BCL11B: variants seen among roughly 807,000 people sequenced by gnomAD.
The protein encoded by BCL11B is B-cell lymphoma/leukemia 11B.
A neutral mutation model predicts 49.9 loss-of-function variants in BCL11B; 8 were observed. The observed-to-expected ratio is 0.16, with a 90% CI of 0.09 to 0.29. BCL11B has a LOEUF of 0.29. Ranked by LOEUF, BCL11B falls within the 10% of genes least tolerant of loss-of-function variation. The pLI, the probability that BCL11B is intolerant of heterozygous loss-of-function variation, is 1.00. For synonymous variants in BCL11B, 739 were observed against 637.4 expected (o/e 1.16, Z -2.40); for missense variants, 1,006 against 1,351.0 (o/e 0.74, Z 4.00).
chr14:99,243,415 GACTGAACAATA>G (rs1464646658), intron 2 of BCL11B, among the ~76,000 whole-genome samples: 1 of 152,150 alleles, frequency 6.6e-6, no homozygotes, highest in Non-Finnish European at 1.5e-5. Flanking sequence ...TGCCCCCACG[GACTGAACAATA>G]ACAGTTCTCC....
At chr14:99,220,783 AATC>A (rs1566816247) in intron 3 of BCL11B, among the ~76,000 whole-genome samples, 1 of 152,230 alleles carries the variant, frequency 6.6e-6, no homozygotes, top group Non-Finnish European at 1.5e-5. Context: ...GCATTGTGAG[AATC>A]ACTGGAGATA....
chr14:99,256,322 G>C (rs375284691), intron 2 of BCL11B, among the ~76,000 whole-genome samples: 1 of 152,140 alleles, frequency 6.6e-6, no homozygotes. Flanking sequence ...GAAGTGCCAC[G>C]GGCAAAAGAC....
chr14:99,234,482 C>G (rs371724873), intron 2 of BCL11B, among the ~76,000 whole-genome samples: 4 of 152,276 alleles, frequency 2.6e-5, no homozygotes, highest in South Asian at 4.1e-4. Flanking sequence ...CACACACGCA[C>G]AGAGGAAGCC....
rs1320616868 is a variant in BCL11B at position 99,174,756 on chromosome 14, G to A, written c.2080C>T (p.Leu694=). The change falls in exon 4 of 4, where the codon CTG becomes TTG. Residue 694 remains leucine, a synonymous_variant. Coordinates refer to ENST00000357195, the MANE Select transcript of BCL11B (RefSeq NM_138576.4). ...ATGAGCGCGGCGGGCGGCAGCTCCA[G>A]GTCCTTCTCCACCTTGATGCGCTTG... The part of the protein sequence containing the change: ...AAKRIKVEKD[L]ELPPAALIPS... 3.3e-6 allele frequency: 5 copies of A among 1,509,072 alleles called. No homozygotes were observed. The highest frequency in any genetic ancestry group is 1.4e-5 in the African/African-American group (1 of 69,272). The allele number at this position is 1,509,072 out of a possible 1,614,324, so 93.5% of individuals were successfully genotyped here.
At chr14:99,230,727 TGTCTGG>T (rs899228566) in intron 3 of BCL11B, among the ~76,000 whole-genome samples, 42 of 152,130 alleles carry the variant, frequency 2.8e-4, no homozygotes, top group African/African-American at 9.4e-4. Flanking sequence ...CAAACAGCTG[TGTCTGG>T]GTCTGGCCCA....
Position 99,184,998 on chromosome 14 carries a change from G to A in BCL11B, c.641-8803C>T, listed in dbSNP as rs192908391. ...TTGACAGCCAGATTTTCACAAAAAC[G>A]CCAGTGAGTCTTGGTTTCCTCCCTC... On this transcript the variant is annotated intron_variant, in intron 3 of 3. Coordinates refer to ENST00000357195, the MANE Select transcript of BCL11B (RefSeq NM_138576.4). The surrounding 1 kb of genome is among the most constrained non-coding windows in gnomAD (Gnocchi z 6.1). Among the ~76,000 whole-genome samples, 209 of 152,258 alleles carry A rather than the reference G, an allele frequency of 1.4e-3. No individual in the cohort carries two copies. The highest frequency in any genetic ancestry group is 4.8e-3 in the African/African-American group (198 of 41,560).
chr14:99,230,634 T>G lies in BCL11B; in HGVS notation c.640+711A>C, dbSNP rs530263127. Among the ~76,000 whole-genome samples, 15 of 152,282 alleles carry G rather than the reference T, an allele frequency of 9.9e-5. No homozygotes were observed. The East Asian group carries it at 2.9e-3, about 29-fold the overall frequency. ...GAGAAGCAGGGCAGGTAGAGGCCAGTTTGTGTCACCACACCGGCCCATCTG... is the reference window on the plus strand; with the variant it reads ...GAGAAGCAGGGCAGGTAGAGGCCAGGTTGTGTCACCACACCGGCCCATCTG... On this transcript the variant is annotated intron_variant, in intron 3 of 3. Transcript: ENST00000357195.
chr14:99,193,022 T>C (rs1348801379), intron 3 of BCL11B, among the ~76,000 whole-genome samples: 11 of 152,182 alleles, frequency 7.2e-5, no homozygotes, highest in Non-Finnish European at 1.2e-4. Context: ...GGGGCTAAGA[T>C]GAGATGGGAC....
chr14:99,191,081 C>T (rs775499736), intron 3 of BCL11B, among the ~76,000 whole-genome samples: 1 of 152,180 alleles, frequency 6.6e-6, no homozygotes, highest in Non-Finnish European at 1.5e-5. Flanking sequence ...TTCCCCCAGG[C>T]CTTTTCCAGG....
At chr14:99,215,830 G>C (rs1383571293) in intron 3 of BCL11B, among the ~76,000 whole-genome samples, 1 of 152,176 alleles carries the variant, frequency 6.6e-6, no homozygotes, top group Non-Finnish European at 1.5e-5. Context: ...TGGAAACACT[G>C]TGTTCATTAT....
rs947565532 is a variant in BCL11B at position 99,241,983 on chromosome 14, T to C, written c.428-10426A>G. On this transcript the variant is annotated intron_variant, in intron 2 of 3. Coordinates refer to ENST00000357195, the MANE Select transcript of BCL11B (RefSeq NM_138576.4). This position sits in a 1 kb window ranked among gnomAD's most constrained non-coding sequence, Gnocchi z 4.4. ...GATTTATTTAGCTGTGTTTAACGTG[T>C]CTGTCCTCCACTCGACTACAAGCCC... 1.3e-5 allele frequency among the ~76,000 whole-genome samples: 2 copies of C among 152,180 alleles called. No homozygotes were observed. Among genetic ancestry groups the C allele is most frequent in the Admixed American group, 1.3e-4 (2 of 15,288 alleles).
chr14:99,188,677 A>T lies in BCL11B; in HGVS notation c.641-12482T>A, dbSNP rs992314471. ...AAGGCTGGCCATAGGGAGAGGTCTG[A>T]GGGGCAGGGTGTGAATTTCCTCTGC... On this transcript the variant is annotated intron_variant, in intron 3 of 3. Transcript: ENST00000357195. Among the ~76,000 whole-genome samples the T allele has an allele frequency of 2.6e-5, 4 of 152,206 alleles. No homozygotes were observed. In the East Asian group the frequency reaches 5.8e-4, roughly 22 times the overall value.
intron 2 of BCL11B, among the ~76,000 whole-genome samples, chr14:99,255,736 C>T (rs1889144026): frequency 6.6e-6 from 1 of 152,218 alleles, no homozygotes; most frequent in Non-Finnish European, 1.5e-5. Flanking sequence ...GGAATGTGGA[C>T]CAACAAAGAC....
intron 2 of BCL11B, among the ~76,000 whole-genome samples, chr14:99,237,707 C>T (rs953979467): frequency 2.0e-5 from 3 of 152,186 alleles, no homozygotes; most frequent in African/African-American, 7.2e-5. Flanking sequence ...AGGGTTTGCA[C>T]AGCTGTGTTT....
rs1249756494 is a variant in BCL11B at position 99,184,132 on chromosome 14, C to CT, written c.641-7938dup. ...TTTGGGATCCGGTCCCACTTGCTGCCTGCCTTTTGCACACACCCATGAGCT... is the reference window on the plus strand; with the variant it reads ...TTTGGGATCCGGTCCCACTTGCTGCCTTGCCTTTTGCACACACCCATGAGCT... On this transcript the variant is annotated intron_variant, in intron 3 of 3. Transcript: ENST00000357195. This position sits in a 1 kb window ranked among gnomAD's most constrained non-coding sequence, Gnocchi z 6.1. 4.6e-5 allele frequency among the ~76,000 whole-genome samples: 7 copies of CT among 152,120 alleles called. No individual in the cohort carries two copies. Among genetic ancestry groups the CT allele is most frequent in the African/African-American group, 1.7e-4 (7 of 41,422 alleles).
At chr14:99,258,049 G>A (rs573914728) in intron 1 of BCL11B, among the ~76,000 whole-genome samples, 11 of 152,300 alleles carry the variant, frequency 7.2e-5, no homozygotes, top group African/African-American at 2.6e-4. Flanking sequence ...TAGGAGCAAC[G>A]TCGTGCCCCC....
At chr14:99,243,558 A>G (rs1888732305) in intron 2 of BCL11B, among the ~76,000 whole-genome samples, 2 of 152,192 alleles carry the variant, frequency 1.3e-5, no homozygotes, top group East Asian at 3.9e-4. Flanking sequence ...TGAAGCAACT[A>G]ACAGATGAAC....
chr14:99,207,318 C>T (rs915198418), intron 3 of BCL11B, among the ~76,000 whole-genome samples: 2 of 152,150 alleles, frequency 1.3e-5, no homozygotes, highest in African/African-American at 4.8e-5. Flanking sequence ...GGGCCCCCTG[C>T]ACCTTGATGA....
intron 3 of BCL11B, among the ~76,000 whole-genome samples, chr14:99,221,000 G>A (rs1373740118): frequency 2.0e-5 from 3 of 151,948 alleles, no homozygotes; most frequent in Non-Finnish European, 4.4e-5. Flanking sequence ...ATAGGCGCCC[G>A]CCACCACGCC....
Sources: allele counts gnomAD v4.1 joint callset (sites outside exome capture counted in the v4.1 genomes callset), GRCh38; gene constraint gnomAD v4.1.1; non-coding constraint Gnocchi (gnomAD v3.1); transcripts MANE v1.5; gene names NCBI Gene and HGNC (gene_info 2026-07-23, HGNC 2026-07-21).